Variants in ABHD2 observed in about 807,000 individuals in gnomAD.
ABHD2 encodes monoacylglycerol lipase ABHD2.
In ABHD2, 20 loss-of-function variants were observed where a neutral mutation model predicts 48.1. The observed-to-expected ratio is 0.42, with a 90% confidence interval of 0.29 to 0.60. ABHD2 has a LOEUF of 0.60. ABHD2 is among the 20% of genes least tolerant of loss of function. The pLI, the probability that ABHD2 is intolerant of heterozygous loss-of-function variation, is 0.24. For synonymous variants in ABHD2, 209 were observed against 214.2 expected, an observed-to-expected ratio of 0.98 and a Z score of 0.21; for missense variants, 405 against 550.9, an observed-to-expected ratio of 0.74 and a Z score of 2.65.
intron 1 of ABHD2, among the ~76,000 whole-genome samples, chr15:89,110,069 T>A (rs777723381): frequency 2.0e-5 from 3 of 152,186 alleles, no homozygotes; most frequent in Non-Finnish European, 4.4e-5. Context: ...TTTTATACTA[T>A]CTTTTCTCTT....
rs1901469433 is a variant in ABHD2, at chr15:89,088,799, T to G, written c.-107+236T>G. ...GCCTTCCTGAGGCCCTTTGTCCCCT[T>G]CTGCCCGAGGAACCGAGGTTGGGGA... On this transcript the variant is annotated intron_variant, in intron 1 of 10. Coordinates refer to ENST00000352732, the MANE Select transcript of ABHD2 (RefSeq NM_152924.5). This position sits in a 1 kb window ranked among gnomAD's most constrained non-coding sequence, Gnocchi z 6.8. Among the ~76,000 whole-genome samples, 1 of 152,214 alleles carries G rather than the reference T, an allele frequency of 6.6e-6. No individual in the cohort carries two copies. Among genetic ancestry groups the G allele is most frequent in the South Asian group, 2.1e-4 (1 of 4,838 alleles).
At chr15:89,048,734 G>C in the ABHD2 span, among the ~76,000 whole-genome samples, 3 of 151,874 alleles carry the variant, frequency 2.0e-5, 1 homozygote, top group African/African-American at 7.3e-5. Context: ...CTCGAGCCTT[G>C]GTTTTCAGCT....
chr15:89,116,258 G>A lies in ABHD2; in HGVS notation c.-6-64G>A, dbSNP rs1456773239. The A allele has an allele frequency of 2.0e-6, 3 of 1,474,394 alleles. No individual in the cohort carries two copies. The highest frequency in any genetic ancestry group is 3.8e-5 in the Admixed American group (2 of 52,526). 91.3% of individuals were successfully genotyped at this position (1,474,394 alleles called of 1,614,324 possible). A position where few individuals can be genotyped will look rare whatever the true frequency, so the allele number is the denominator to read the frequency against. On this transcript the variant is annotated intron_variant, in intron 2 of 10. Coordinates refer to ENST00000352732, the MANE Select transcript of ABHD2 (RefSeq NM_152924.5). This position sits in a 1 kb window ranked among gnomAD's most constrained non-coding sequence, Gnocchi z 4.6. Reference sequence around the variant, plus strand: ...TCTCTTAGCCCACCATGCGTCTGTAGGGTGGTGGGCACCACCCGTCCTCAC... The same window carrying A: ...TCTCTTAGCCCACCATGCGTCTGTAAGGTGGTGGGCACCACCCGTCCTCAC...
chr15:89,135,989 C>T, intron 3 of ABHD2: 1 of 310,118 alleles, frequency 3.2e-6, no homozygotes, highest in Middle Eastern at 1.1e-3. Flanking sequence ...TGCAATGGCG[C>T]AATCTCAGCT....
the ABHD2 span, among the ~76,000 whole-genome samples, chr15:89,076,480 T>C: frequency 1.3e-5 from 2 of 152,180 alleles, no homozygotes; most frequent in Admixed American, 1.3e-4. Flanking sequence ...AATTTTTGTT[T>C]TGTTTTGTTT....
the ABHD2 span, among the ~76,000 whole-genome samples, chr15:89,041,961 G>A: frequency 2.0e-5 from 3 of 152,168 alleles, 1 homozygote; most frequent in South Asian, 4.1e-4. Flanking sequence ...CGGAACCAGA[G>A]GTCACCCGGG....
In ABHD2 at chr15:89,137,396, A is replaced by C. The variant is rs537168605; in HGVS notation, c.195-14281A>C. On this transcript the variant is annotated intron_variant, in intron 3 of 10. Coordinates refer to ENST00000352732, the MANE Select transcript of ABHD2 (RefSeq NM_152924.5). The surrounding 1 kb of genome is among the most constrained non-coding windows in gnomAD (Gnocchi z 4.8). The stretch of plus-strand genomic sequence containing the variant: ...AAGCACATTTATTTTTCCTTGGAGC[A>C]AAAAAGTAGTTTCTTTTTAAGTGGT... 6.6e-6 allele frequency among the ~76,000 whole-genome samples: 1 copy of C among 152,344 alleles called. No individual in the cohort carries two copies. Among genetic ancestry groups the C allele is most frequent in the East Asian group, 1.9e-4 (1 of 5,186 alleles).
rs1282283002 is a variant in ABHD2 at position 89,173,143 on chromosome 15, G to A, written c.539-2669G>A. On this transcript the variant is annotated intron_variant, in intron 5 of 10. Transcript: ENST00000352732. The surrounding 1 kb of genome is among the most constrained non-coding windows in gnomAD (Gnocchi z 6.5). The stretch of plus-strand genomic sequence containing the variant: ...CTAAATTTTTTATTTGTTGCGTGGT[G>A]TAGAAGCTGATATCAGCTAATTGCT... Among the ~76,000 whole-genome samples the A allele has an allele frequency of 1.3e-5, 2 of 152,258 alleles. No individual in the cohort carries two copies. Among genetic ancestry groups the A allele is most frequent in the African/African-American group, 2.4e-5 (1 of 41,470 alleles).
At chr15:89,047,346 TGTG>T in the ABHD2 span, among the ~76,000 whole-genome samples, 1 of 151,610 alleles carries the variant, frequency 6.6e-6, no homozygotes, top group African/African-American at 2.4e-5. Flanking sequence ...ATAGGTGTGG[TGTG>T]GTGCTGAAAA....
rs151101640 is a variant in ABHD2 at position 89,176,636 on chromosome 15, C to T, written c.722+641C>T. On this transcript the variant is annotated intron_variant, in intron 6 of 10. Transcript: ENST00000352732. This position sits in a 1 kb window ranked among gnomAD's most constrained non-coding sequence, Gnocchi z 4.5. ...ATTCCCCTGAAGATCACTGCTGTCC[C>T]AGGTCTCTCAAGAGTCACCACACTC... 3.8e-3 allele frequency among the ~76,000 whole-genome samples: 572 copies of T among 152,222 alleles called. 3 individuals carry two copies. Among genetic ancestry groups the T allele is most frequent in the African/African-American group, 0.013 (531 of 41,542 alleles).
the ABHD2 span, among the ~76,000 whole-genome samples, chr15:89,062,768 C>G: frequency 6.6e-6 from 1 of 152,056 alleles, no homozygotes; most frequent in Admixed American, 6.6e-5. Flanking sequence ...AGAATAGGAG[C>G]AGTTTCAGAA....
the ABHD2 span, among the ~76,000 whole-genome samples, chr15:89,073,924 G>A: frequency 3.3e-5 from 5 of 152,304 alleles, no homozygotes; most frequent in Non-Finnish European, 5.9e-5. Flanking sequence ...AAGCTCCCAG[G>A]TGTTTCCGAT....
At chr15:89,113,236 T>C (rs12442260) in intron 1 of ABHD2, among the ~76,000 whole-genome samples, 17,233 of 152,272 alleles carry the variant, frequency 0.11, 1,348 homozygotes, top group South Asian at 0.31. Flanking sequence ...CCCTGTTCTG[T>C]TTCTGGTACT....
At chr15:89,098,719 T>C (rs1332273194) in intron 1 of ABHD2, among the ~76,000 whole-genome samples, 1 of 152,206 alleles carries the variant, frequency 6.6e-6, no homozygotes, top group Non-Finnish European at 1.5e-5. Context: ...CAAGGATATT[T>C]TTCCCAATTT....
In ABHD2 at chr15:89,182,560, C is replaced by A. The variant is rs1219477322; in HGVS notation, c.723-2864C>A. Among the ~76,000 whole-genome samples the A allele has an allele frequency of 6.6e-6, 1 of 152,074 alleles. No individual in the cohort carries two copies. The highest frequency in any genetic ancestry group is 1.5e-5 in the Non-Finnish European group (1 of 68,004). On this transcript the variant is annotated intron_variant, in intron 6 of 10. Coordinates refer to ENST00000352732, the MANE Select transcript of ABHD2 (RefSeq NM_152924.5). This position sits in a 1 kb window ranked among gnomAD's most constrained non-coding sequence, Gnocchi z 4.8. Reference sequence around the variant, plus strand: ...CAACACTTTGGAAGGAGGCCGAGACCTAGAGATCACTTGAGGTCAGGAGTT... The same window carrying A: ...CAACACTTTGGAAGGAGGCCGAGACATAGAGATCACTTGAGGTCAGGAGTT...
Position 89,201,707 on chromosome 15 carries a change from T to G in ABHD2, c.*6284T>G, listed in dbSNP as rs771875571. ...TTCGCAATTTAAGATTTGTAGTGAC[T>G]ACATCTGTGAAGGGGCCTTTGAATT... On this transcript the variant is annotated 3_prime_UTR_variant, in exon 11 of 11. Coordinates refer to ENST00000352732, the MANE Select transcript of ABHD2 (RefSeq NM_152924.5). 4.6e-5 allele frequency: 74 copies of G among 1,607,550 alleles called. No individual in the cohort carries two copies. The highest frequency in any genetic ancestry group is 6.2e-5 in the Non-Finnish European group (73 of 1,174,120).
At position 89,182,030 on chromosome 15, in the gene ABHD2, A is replaced by G. The variant is rs144598760; in HGVS notation, c.723-3394A>G. The stretch of plus-strand genomic sequence containing the variant: ...ATATTTTATTATAATTTAATGTTAC[A>G]TTGATTAGAAATGAAGGCATTTTCA... On this transcript the variant is annotated intron_variant, in intron 6 of 10. Coordinates refer to ENST00000352732, the MANE Select transcript of ABHD2 (RefSeq NM_152924.5). This position sits in a 1 kb window ranked among gnomAD's most constrained non-coding sequence, Gnocchi z 4.8. Among the ~76,000 whole-genome samples, 2 of 152,250 alleles carry G rather than the reference A, an allele frequency of 1.3e-5. No individual in the cohort carries two copies. Among genetic ancestry groups the G allele is most frequent in the Non-Finnish European group, 2.9e-5 (2 of 68,048 alleles).
chr15:89,054,425 A>T, the ABHD2 span, among the ~76,000 whole-genome samples: 1 of 152,154 alleles, frequency 6.6e-6, no homozygotes, highest in Non-Finnish European at 1.5e-5. Flanking sequence ...TCACGCCTGT[A>T]ATCCCGGCAC....
rs115904781 is a variant in ABHD2, at chr15:89,118,608, A to C, written c.194+2087A>C. ...TCTCATTCTTAGAGAGCTCTTGAAA[A>C]CCAAAGTATTTAAAACCCTGCAAGT... On this transcript the variant is annotated intron_variant, in intron 3 of 10. Transcript: ENST00000352732. Among the ~76,000 whole-genome samples the C allele has an allele frequency of 9.1e-3, 1,388 of 152,152 alleles. 21 individuals carry two copies. The highest frequency in any genetic ancestry group is 0.032 in the African/African-American group (1,323 of 41,496).
Sources: allele counts gnomAD v4.1 joint callset (sites outside exome capture counted in the v4.1 genomes callset), GRCh38; gene constraint gnomAD v4.1.1; non-coding constraint Gnocchi (gnomAD v3.1); transcripts MANE v1.5; gene names NCBI Gene and HGNC (gene_info 2026-07-23, HGNC 2026-07-21).